The following ECPAS variants were observed in gnomAD, a reference collection of about 807,000 sequenced individuals.
ECPAS encodes proteasome adapter and scaffold protein ECM29.
In ECPAS, 70 loss-of-function variants were observed where a neutral mutation model predicts 255.1. The observed-to-expected ratio is 0.27, with a 90% CI of 0.23 to 0.33. ECPAS has a LOEUF of 0.33. Ranked by LOEUF, ECPAS falls within the 10% of genes least tolerant of loss-of-function variation. ECPAS has a pLI of 1.00. For synonymous variants in ECPAS, 784 were observed against 775.0 expected (o/e 1.01, Z -0.19); for missense variants, 1,817 against 2,206.4 (o/e 0.82, Z 3.54).
chr9:111,369,153 C>G lies in ECPAS; in HGVS notation c.4995G>C (p.Gly1665=), dbSNP rs1400237343. The G allele has an allele frequency of 2.5e-6, 4 of 1,587,164 alleles. No homozygotes were observed. The South Asian group carries it at 3.5e-5, about 14-fold the overall frequency. ...LIKKNSLESS[G]VRTTKNEEEN... ...CCTCTTCATTTTTGGTTGTCCGGAC[C>G]CCACTGCTTTCAAGTGAGTTCTAGG... is the stretch of plus-strand genomic sequence containing the variant. The change falls in exon 46 of 50, where the codon GGG becomes GGC. Residue 1665 remains glycine, a synonymous_variant. Coordinates refer to ENST00000684092, the MANE Select transcript of ECPAS (RefSeq NM_001364929.1).
chr9:111,467,807 T>C (rs2098281381), intron 2 of ECPAS, among the ~76,000 whole-genome samples: 1 of 152,174 alleles, frequency 6.6e-6, no homozygotes, highest in African/African-American at 2.4e-5. Context: ...CAGTTTCACA[T>C]GGCCTTCTGA....
intron 24 of ECPAS, among the ~76,000 whole-genome samples, chr9:111,403,268 G>A (rs1259942740): frequency 6.6e-6 from 1 of 151,788 alleles, no homozygotes; most frequent in Non-Finnish European, 1.5e-5. Flanking sequence ...GCTGAGGCAG[G>A]AGAATCTCTT....
chr9:111,441,708 T>C (rs1408217993), intron 5 of ECPAS, among the ~76,000 whole-genome samples: 1 of 152,230 alleles, frequency 6.6e-6, no homozygotes, highest in Non-Finnish European at 1.5e-5. Context: ...TTAATTTTAC[T>C]TGTAAACTTC....
intron 18 of ECPAS, among the ~76,000 whole-genome samples, chr9:111,415,771 C>T (rs2098202578): frequency 6.6e-6 from 1 of 151,668 alleles, no homozygotes; most frequent in Non-Finnish European, 1.5e-5. Context: ...GGAGTCCATC[C>T]TCTGGAAGCT....
intron 36 of ECPAS, among the ~76,000 whole-genome samples, chr9:111,377,298 T>C (rs12346211): frequency 0.34 from 52,067 of 151,894 alleles, 11,153 homozygotes; most frequent in Non-Finnish European, 0.49. Context: ...AATAAAAATA[T>C]ATAAATTAAA....
At chr9:111,466,990 C>T (rs1191832935) in intron 2 of ECPAS, among the ~76,000 whole-genome samples, 3 of 152,214 alleles carry the variant, frequency 2.0e-5, no homozygotes, top group Admixed American at 6.5e-5. Context: ...AGAAGGAACA[C>T]TCCCTCCTCC....
intron 12 of ECPAS, among the ~76,000 whole-genome samples, chr9:111,423,528 G>A (rs1207815976): frequency 6.6e-6 from 1 of 152,118 alleles, no homozygotes; most frequent in African/African-American, 2.4e-5. Flanking sequence ...AGATATGAAA[G>A]GTTTCTCTTA....
chr9:111,438,705 T>C (rs1005722084), intron 6 of ECPAS, among the ~76,000 whole-genome samples: 2 of 152,172 alleles, frequency 1.3e-5, no homozygotes, highest in African/African-American at 4.8e-5. Context: ...ACACATGTAA[T>C]AGCATCTGCC....
rs2098113349 is a variant in ECPAS at position 111,361,587 on chromosome 9, C to A, written c.*443G>T. ...TGGGTTCTGACTTTGGCACAGGCCT[C>A]AGAAAGCCTCTGAGATGACACAGCT... On this transcript the variant is annotated 3_prime_UTR_variant, in exon 50 of 50. Transcript: ENST00000684092. 6.5e-6 allele frequency: 1 copy of A among 152,740 alleles called. No individual in the cohort carries two copies. The highest frequency in any genetic ancestry group is 1.5e-5 in the Non-Finnish European group (1 of 68,476). 9.5% of individuals were successfully genotyped at this position (152,740 alleles called of 1,614,324 possible).
chr9:111,471,831 G>A (rs1242589102), intron 2 of ECPAS, among the ~76,000 whole-genome samples: 1 of 152,152 alleles, frequency 6.6e-6, no homozygotes, highest in African/African-American at 2.4e-5. Flanking sequence ...GGCTGGGCAT[G>A]GTGGCTCACA....
chr9:111,414,422 T>C lies in ECPAS; in HGVS notation c.1987+7A>G, dbSNP rs367628870. The C allele has an allele frequency of 1.2e-6, 2 of 1,611,812 alleles. No individual in the cohort carries two copies. Among genetic ancestry groups the C allele is most frequent in the Non-Finnish European group, 1.7e-6 (2 of 1,178,046 alleles). ...CAGTATCTTTCCTTCGCGTCACATA[T>C]TCCTACCTCCAACACCTGCTAACAG... On this transcript the variant is annotated splice_region_variant and intron_variant, in intron 19 of 49. Transcript: ENST00000684092.
intron 2 of ECPAS, among the ~76,000 whole-genome samples, chr9:111,460,376 T>C (rs1021254865): frequency 3.9e-5 from 6 of 152,134 alleles, no homozygotes; most frequent in Admixed American, 1.3e-4. Flanking sequence ...ACAGCAAACA[T>C]TATATCTAAA....
At chr9:111,438,442 C>CA (rs1341793198) in intron 6 of ECPAS, among the ~76,000 whole-genome samples, 1 of 133,496 alleles carries the variant, frequency 7.5e-6, no homozygotes, top group Non-Finnish European at 1.7e-5. Flanking sequence ...CCTATCTCTA[C>CA]AAAAAATACA....
At chr9:111,417,384 C>A (rs934029767) in intron 17 of ECPAS, among the ~76,000 whole-genome samples, 1 of 152,160 alleles carries the variant, frequency 6.6e-6, no homozygotes, top group African/African-American at 2.4e-5. Flanking sequence ...AGATCAATTA[C>A]AGGTGAGGAT....
intron 1 of ECPAS, among the ~76,000 whole-genome samples, chr9:111,477,524 C>A (rs1036280820): frequency 2.0e-5 from 3 of 152,162 alleles, no homozygotes; most frequent in African/African-American, 4.8e-5. Context: ...GTTAGACACA[C>A]ACACACACAC....
At chr9:111,464,125 C>T (rs1344436709) in intron 2 of ECPAS, among the ~76,000 whole-genome samples, 1 of 152,030 alleles carries the variant, frequency 6.6e-6, no homozygotes, top group African/African-American at 2.4e-5. Flanking sequence ...TTATGTAACA[C>T]CGTCCTAGAA....
chr9:111,391,639 T>C, intron 29 of ECPAS, 117 bp downstream of exon 29: 2 of 636,338 alleles, frequency 3.1e-6, no homozygotes, highest in Non-Finnish European at 2.7e-6. Flanking sequence ...CTTCCACCAA[T>C]AGATAACATT....
intron 48 of ECPAS, among the ~76,000 whole-genome samples, chr9:111,364,954 C>CA (rs1176309793): frequency 1.3e-5 from 2 of 152,080 alleles, no homozygotes; most frequent in African/African-American, 4.8e-5. Context: ...TGTCCTAAGA[C>CA]AAAGAAAGGC....
chr9:111,408,529 C>T, intron 24 of ECPAS, 42 bp downstream of exon 24: 2 of 1,250,642 alleles, frequency 1.6e-6, no homozygotes, highest in Non-Finnish European at 2.2e-6. Flanking sequence ...AGACCAATGC[C>T]TTTTCTCTGA....
Sources: allele counts gnomAD v4.1 joint callset (sites outside exome capture counted in the v4.1 genomes callset), GRCh38; gene constraint gnomAD v4.1.1; transcripts MANE v1.5; gene names NCBI Gene and HGNC (gene_info 2026-07-23, HGNC 2026-07-21).